The following VIPAS39 variants were observed in gnomAD, a reference collection of about 807,000 sequenced individuals.
The protein encoded by VIPAS39 is VPS33B interacting protein, apical-basolateral polarity regulator, spe-39 homolog, also known as spermatogenesis-defective protein 39 homolog.
In VIPAS39, 63 loss-of-function variants were observed where a neutral mutation model predicts 84.7. The ratio of observed to expected loss-of-function variants is 0.74; its 90% confidence interval spans 0.61 to 0.92. The LOEUF (loss-of-function observed/expected upper bound fraction) is 0.92, where lower values mean the gene tolerates loss of function less well. Ranked by LOEUF, VIPAS39 falls within the 40% of genes least tolerant of loss-of-function variation. The pLI, the probability that VIPAS39 is intolerant of heterozygous loss-of-function variation, is 0.00. For synonymous variants in VIPAS39, 192 were observed against 216.5 expected, an observed-to-expected ratio of 0.89 and a Z score of 0.99; for missense variants, 499 against 604.5, an observed-to-expected ratio of 0.83 and a Z score of 1.83.
chr14:77,435,617 T>C (rs1335659436), intron 13 of VIPAS39, among the ~76,000 whole-genome samples: 2 of 152,090 alleles, frequency 1.3e-5, no homozygotes, highest in Non-Finnish European at 2.9e-5. Flanking sequence ...GGGGAGGACA[T>C]GGGAGATTCG....
chr14:77,453,324 G>A lies in VIPAS39; in HGVS notation c.171C>T (p.Val57=). Residue 57 remains valine, a synonymous_variant, in exon 3 of 20, where the codon GTC becomes GTT. Coordinates refer to ENST00000557658, the MANE Select transcript of VIPAS39 (RefSeq NM_001193315.2). The part of the protein sequence containing the change: ...DDDDDDDLER[V]SWSGEPVGSI... ...TTCCCACAGGTTCCCCACTCCAGCT[G>A]ACTCGCTCCAGGTCATCATCGTCAT... 6.2e-7 allele frequency: 1 copy of A among 1,614,018 alleles called. No homozygotes were observed. Among genetic ancestry groups the A allele is most frequent in the South Asian group, 1.1e-5 (1 of 91,058 alleles).
chr14:77,448,941 T>C (rs2078840581), intron 6 of VIPAS39, among the ~76,000 whole-genome samples: 1 of 152,208 alleles, frequency 6.6e-6, no homozygotes, highest in Admixed American at 6.5e-5. Flanking sequence ...TATGGTTTCT[T>C]CCTTATGAAT....
At chr14:77,452,046 C>G (rs1434056249) in intron 3 of VIPAS39, among the ~76,000 whole-genome samples, 1 of 151,488 alleles carries the variant, frequency 6.6e-6, no homozygotes, top group Non-Finnish European at 1.5e-5. Context: ...ATATAAAGAG[C>G]AAAAGATTGA....
intron 12 of VIPAS39, among the ~76,000 whole-genome samples, chr14:77,437,427 T>G (rs74840049): frequency 0.027 from 4,157 of 152,132 alleles, 191 homozygotes; most frequent in African/African-American, 0.096. Context: ...AAAAAATGCA[T>G]CAGGTCCCTA....
intron 18 of VIPAS39, among the ~76,000 whole-genome samples, 159 bp downstream of exon 18, chr14:77,428,847 A>G (rs2078472598): frequency 6.6e-6 from 1 of 152,210 alleles, no homozygotes; most frequent in Non-Finnish European, 1.5e-5. Flanking sequence ...AAAATAATAC[A>G]GGAGTGCTGG....
chr14:77,428,709 G>T (rs745573363), intron 18 of VIPAS39, among the ~76,000 whole-genome samples: 7 of 152,136 alleles, frequency 4.6e-5, no homozygotes, highest in Non-Finnish European at 7.4e-5. Flanking sequence ...ATAACAGTGG[G>T]GTCCAGTGCC....
rs145159015 is a variant in VIPAS39, at chr14:77,444,368, C to T, written c.505-27G>A. On this transcript the variant is annotated intron_variant, in intron 7 of 19. Coordinates refer to ENST00000557658, the MANE Select transcript of VIPAS39 (RefSeq NM_001193315.2). Reference sequence around the variant, plus strand: ...TGGCAGAATAACACTAGAATTAGTACACAAGAAGACAGTTTTCTTTATTCC... The same window carrying T: ...TGGCAGAATAACACTAGAATTAGTATACAAGAAGACAGTTTTCTTTATTCC... 856 of 1,584,534 alleles carry T rather than the reference C, an allele frequency of 5.4e-4. 2 individuals carry two copies. In the African/African-American group the frequency reaches 0.01, roughly 19 times the overall value.
chr14:77,450,827 T>C (rs181082714), intron 4 of VIPAS39, among the ~76,000 whole-genome samples: 1 of 152,298 alleles, frequency 6.6e-6, no homozygotes, highest in East Asian at 1.9e-4. Flanking sequence ...TGTTTACTGT[T>C]TAATTTTTTT....
rs142999111 is a variant in VIPAS39, at chr14:77,453,177, A to C, written c.196+122T>G. ...GAGTTAAGTTTCCAGATGTATGCTT[A>C]TCTGAAAATAGTCTTATCCTAGTCC... On this transcript the variant is annotated intron_variant, in intron 3 of 19. Coordinates refer to ENST00000557658, the MANE Select transcript of VIPAS39 (RefSeq NM_001193315.2). 6,141 of 1,041,100 alleles carry C rather than the reference A, an allele frequency of 5.9e-3. 26 individuals are homozygous for C. Among genetic ancestry groups the C allele is most frequent in the Non-Finnish European group, 7.9e-3 (5,246 of 662,796 alleles). 64.5% of individuals were successfully genotyped at this position (1,041,100 alleles called of 1,614,324 possible). A position where few individuals can be genotyped will look rare whatever the true frequency, so the allele number is the denominator to read the frequency against.
chr14:77,457,424 G>C, intron 1 of VIPAS39, 71 bp downstream of exon 1: 2 of 1,533,226 alleles, frequency 1.3e-6, no homozygotes, highest in Non-Finnish European at 1.7e-6. Flanking sequence ...CTAGAAGAGG[G>C]GAAAAGATCA....
At chr14:77,441,185 A>T (rs2078697952) in intron 10 of VIPAS39, 92 bp from the exon 11 acceptor site, 1 of 1,383,542 alleles carries the variant, frequency 7.2e-7, no homozygotes, top group Non-Finnish European at 1.0e-6. Flanking sequence ...TAGGAGAAAC[A>T]CAATTCAAAC....
intron 17 of VIPAS39, 60 bp from the exon 18 acceptor site, chr14:77,429,155 A>G: frequency 8.7e-6 from 13 of 1,495,212 alleles, no homozygotes; most frequent in Middle Eastern, 1.7e-4. Flanking sequence ...AGAGCTCTAC[A>G]AGGTAGAAAA....
Position 77,448,497 on chromosome 14 carries a change from G to A in VIPAS39, c.501C>T (p.Gly167=), listed in dbSNP as rs142217452. 2.5e-6 allele frequency: 4 copies of A among 1,613,990 alleles called. No individual in the cohort carries two copies. Among genetic ancestry groups the A allele is most frequent in the Non-Finnish European group, 3.4e-6 (4 of 1,179,980 alleles). Residue 167 remains glycine (G), a synonymous_variant, in exon 7 of 20, where the codon GGC becomes GGT. Coordinates refer to ENST00000557658, the MANE Select transcript of VIPAS39 (RefSeq NM_001193315.2). ...PSDTVRRLRK[G]KVCSLERFRS... ...CACAAAAATTCTCTGTCCTTACCTT[G>A]CCCTTCCGGAGACGTCGCACTGTAT...
rs182152260 is a variant in VIPAS39 at position 77,434,336 on chromosome 14, T to C, written c.1048-33A>G. ...GAAAGTGAAAAAGGAACTTTAGTGATATTGACTTTCCCAAGTACCACCCAA... is the reference window on the plus strand; with the variant it reads ...GAAAGTGAAAAAGGAACTTTAGTGACATTGACTTTCCCAAGTACCACCCAA... On this transcript the variant is annotated intron_variant, in intron 14 of 19. Coordinates refer to ENST00000557658, the MANE Select transcript of VIPAS39 (RefSeq NM_001193315.2). The C allele has an allele frequency of 4.9e-5, 79 of 1,610,104 alleles. 2 individuals are homozygous for C. The East Asian group carries it at 8.5e-4, about 17-fold the overall frequency.
chr14:77,453,947 C>G (rs972940959), intron 2 of VIPAS39, 63 bp downstream of exon 2: 19 of 1,529,064 alleles, frequency 1.2e-5, no homozygotes, highest in Non-Finnish European at 1.7e-5. Flanking sequence ...ACCCAGAATG[C>G]AAGAGGAAGG....
intron 4 of VIPAS39, among the ~76,000 whole-genome samples, 171 bp from the exon 5 acceptor site, chr14:77,449,923 A>G (rs1313350146): frequency 6.6e-6 from 1 of 152,250 alleles, no homozygotes; most frequent in Non-Finnish European, 1.5e-5. Context: ...AAAATGGAGC[A>G]GGGAGAAAAT....
chr14:77,445,147 G>C (rs912429472), intron 7 of VIPAS39, among the ~76,000 whole-genome samples: 3 of 151,346 alleles, frequency 2.0e-5, no homozygotes, highest in African/African-American at 7.3e-5. Flanking sequence ...TTTTAGTAGA[G>C]ACAGGGTTTC....
In VIPAS39 at chr14:77,427,451, G is replaced by T; in HGVS notation, c.*165C>A. Reference sequence around the variant, plus strand: ...CTCGATCCTCAGATGATGTTCCTTGGACAGAAGATCAGTCTGAAGTTATCT... The same window carrying T: ...CTCGATCCTCAGATGATGTTCCTTGTACAGAAGATCAGTCTGAAGTTATCT... On this transcript the variant is annotated 3_prime_UTR_variant, in exon 20 of 20. Coordinates refer to ENST00000557658, the MANE Select transcript of VIPAS39 (RefSeq NM_001193315.2). 2.7e-6 allele frequency: 2 copies of T among 753,664 alleles called. No individual in the cohort carries two copies. The highest frequency in any genetic ancestry group is 2.2e-6 in the Non-Finnish European group (1 of 444,792). The allele number at this position is 753,664 out of a possible 1,614,324, so 46.7% of individuals were successfully genotyped here. A position where few individuals can be genotyped will look rare whatever the true frequency, so the allele number is the denominator to read the frequency against.
intron 8 of VIPAS39, 148 bp from the exon 9 acceptor site, chr14:77,443,300 T>C: frequency 1.1e-6 from 1 of 912,410 alleles, no homozygotes; most frequent in Admixed American, 2.0e-5. Context: ...CCAATGGCTA[T>C]CTGGAACTGA....
Sources: allele counts gnomAD v4.1 joint callset (sites outside exome capture counted in the v4.1 genomes callset), GRCh38; gene constraint gnomAD v4.1.1; transcripts MANE v1.5; gene names NCBI Gene and HGNC (gene_info 2026-07-23, HGNC 2026-07-21).